The following TMEM39A variants were observed in gnomAD, a reference collection of about 807,000 sequenced individuals.
TMEM39A encodes suppressor of SQST-1 aggregates in rpl-43 mutants.
TMEM39A carries 19 observed loss-of-function variants against 51.9 expected under a neutral mutation model. The observed-to-expected ratio is 0.37, with a 90% CI of 0.26 to 0.54. The LOEUF is 0.54. Ranked by LOEUF, TMEM39A falls within the 20% of genes least tolerant of loss-of-function variation. The pLI, the probability that TMEM39A is intolerant of heterozygous loss-of-function variation, is 0.88. For synonymous variants in TMEM39A, 197 were observed against 220.2 expected, an observed-to-expected ratio of 0.89 and a Z score of 0.93; for missense variants, 433 against 590.5, an observed-to-expected ratio of 0.73 and a Z score of 2.76.
rs757077428 is a variant in TMEM39A, at chr3:119,447,037, G to T, written c.556C>A (p.Leu186Ile). ...NLFRSHSVLN[L>I]LFLGYPFGVY... The stretch of plus-strand genomic sequence containing the variant: ...ACTCACGGGTAGCCAAGGAAAAGGA[G>T]ATTGAGGACTGAATGGCTTCGAAAG... The change falls in exon 5 of 9, where the codon CTC (leucine) becomes ATC (isoleucine). Residue 186 changes from leucine (L) to isoleucine (I), a missense_variant. Around this residue, in one of 3 missense-constraint regions of TMEM39A, gnomAD observed 170 missense variants for 239.8 expected, o/e 0.71. Transcript: ENST00000319172. The T allele has an allele frequency of 2.5e-6, 4 of 1,613,924 alleles. No homozygotes were observed. In the Admixed American group the frequency reaches 6.7e-5, roughly 27 times the overall value.
chr3:119,461,019 A>G (rs2081329297), intron 2 of TMEM39A, among the ~76,000 whole-genome samples: 1 of 152,178 alleles, frequency 6.6e-6, no homozygotes, highest in Non-Finnish European at 1.5e-5. Flanking sequence ...AAGTTACTGC[A>G]ATTTACTACT....
chr3:119,451,179 C>T (rs1287233933), intron 4 of TMEM39A: 3 of 1,135,456 alleles, frequency 2.6e-6, no homozygotes, highest in Admixed American at 3.4e-5. Context: ...AACAGACGTT[C>T]CTACTGTGAA....
At chr3:119,432,257 G>C in intron 8 of TMEM39A, 43 bp from the exon 9 acceptor site, 1 of 1,380,746 alleles carries the variant, frequency 7.2e-7, no homozygotes, top group Non-Finnish European at 1.0e-6. Context: ...TCATAGAAAA[G>C]TAATGGCTAC....
At chr3:119,438,870 T>C (rs756295721) in intron 5 of TMEM39A, among the ~76,000 whole-genome samples, 1 of 152,196 alleles carries the variant, frequency 6.6e-6, no homozygotes, top group Non-Finnish European at 1.5e-5. Flanking sequence ...GATCTTACCA[T>C]GTTTATTCGA....
rs951038483 is a variant in TMEM39A at position 119,430,309 on chromosome 3, C to A, written c.*1672G>T. On this transcript the variant is annotated 3_prime_UTR_variant, in exon 9 of 9. Transcript: ENST00000319172. The stretch of plus-strand genomic sequence containing the variant: ...TCTTGCTTTTTCTTTGCTTAAAAAT[C>A]ATCTCCTCAAAGATGCCTTCTAGCA... 1 of 152,136 alleles carries A rather than the reference C, an allele frequency of 6.6e-6. No homozygotes were observed. Among genetic ancestry groups the A allele is most frequent in the Non-Finnish European group, 1.5e-5 (1 of 68,000 alleles). 9.4% of individuals were successfully genotyped at this position (152,136 alleles called of 1,614,324 possible).
chr3:119,460,588 T>C (rs2081323596), intron 2 of TMEM39A, among the ~76,000 whole-genome samples: 1 of 152,172 alleles, frequency 6.6e-6, no homozygotes, highest in Admixed American at 6.5e-5. Flanking sequence ...CCATTTTCCC[T>C]TCTAAGCCCT....
chr3:119,457,378 AATTTG>A (rs1176616083), intron 3 of TMEM39A, among the ~76,000 whole-genome samples: 6 of 152,190 alleles, frequency 3.9e-5, no homozygotes, highest in Non-Finnish European at 1.5e-5. Context: ...CCAATTTCCC[AATTTG>A]ATTTAAGTTC....
chr3:119,444,750 G>A (rs2081100403), intron 5 of TMEM39A, among the ~76,000 whole-genome samples: 1 of 152,154 alleles, frequency 6.6e-6, no homozygotes, highest in Non-Finnish European at 1.5e-5. Context: ...GTTTGGGGTA[G>A]ATTCTGAGAA....
At chr3:119,451,450 T>C (rs973353329) in intron 4 of TMEM39A, 30 of 496,920 alleles carry the variant, frequency 6.0e-5, no homozygotes, top group Non-Finnish European at 9.5e-5. Flanking sequence ...TAAATTAACA[T>C]TTTTTGTTTT....
At chr3:119,461,380 C>T (rs1378559865) in intron 2 of TMEM39A, among the ~76,000 whole-genome samples, 1 of 152,182 alleles carries the variant, frequency 6.6e-6, no homozygotes, top group Non-Finnish European at 1.5e-5. Context: ...GTACTGATTG[C>T]TAGCTCTGAA....
At chr3:119,445,432 T>C (rs2081111407) in intron 5 of TMEM39A, among the ~76,000 whole-genome samples, 1 of 152,130 alleles carries the variant, frequency 6.6e-6, no homozygotes, top group Non-Finnish European at 1.5e-5. Context: ...GCCCTGCTAA[T>C]TTTTTTATTT....
chr3:119,430,217 C>T lies in TMEM39A; in HGVS notation c.*1764G>A, dbSNP rs535073678. On this transcript the variant is annotated 3_prime_UTR_variant, in exon 9 of 9. Coordinates refer to ENST00000319172, the MANE Select transcript of TMEM39A (RefSeq NM_018266.3). Reference sequence around the variant, plus strand: ...CTTCCAATATACCAACTTGTCCCCACCTCAGGGCACTGCCCTTTCTGCTAC... The same window carrying T: ...CTTCCAATATACCAACTTGTCCCCATCTCAGGGCACTGCCCTTTCTGCTAC... The T allele has an allele frequency of 4.6e-5, 7 of 152,228 alleles. No individual in the cohort carries two copies. The highest frequency in any genetic ancestry group is 1.9e-4 in the East Asian group (1 of 5,184). 9.4% of individuals were successfully genotyped at this position (152,228 alleles called of 1,614,324 possible).
At chr3:119,436,754 G>C (rs2080973319) in intron 7 of TMEM39A, 37 bp downstream of exon 7, 1 of 1,555,340 alleles carries the variant, frequency 6.4e-7, no homozygotes. Flanking sequence ...GCAGCATGTA[G>C]AAAGTGTTAC....
intron 8 of TMEM39A, among the ~76,000 whole-genome samples, chr3:119,432,620 G>A (rs533513908): frequency 2.2e-4 from 33 of 152,132 alleles, no homozygotes; most frequent in African/African-American, 6.7e-4. Flanking sequence ...AAAAATTAAG[G>A]ATATTACATA....
chr3:119,443,585 TTAAAAGACATAATGC>T (rs1377668935), intron 5 of TMEM39A, among the ~76,000 whole-genome samples: 4 of 152,182 alleles, frequency 2.6e-5, no homozygotes, highest in Admixed American at 2.6e-4. Flanking sequence ...ATATGTACTT[TTAAAAGACATAATGC>T]TATTATGTAC....
At chr3:119,458,828 G>C (rs1421333320) in intron 2 of TMEM39A, among the ~76,000 whole-genome samples, 1 of 152,176 alleles carries the variant, frequency 6.6e-6, no homozygotes, top group Admixed American at 6.5e-5. Context: ...TTAGGAGGCG[G>C]AGGTTGTGGT....
intron 4 of TMEM39A, among the ~76,000 whole-genome samples, chr3:119,450,073 T>C (rs1350124137): frequency 2.0e-5 from 3 of 152,262 alleles, no homozygotes; most frequent in African/African-American, 7.2e-5. Flanking sequence ...TTTATCCATC[T>C]AATTTAGATA....
In TMEM39A at chr3:119,458,153, C is replaced by T. The variant is rs148969274; in HGVS notation, c.201G>A (p.Leu67=). ...GPVRHCQIPD[L]PVDGSLLFEF... is the part of the protein sequence containing the mutation. The stretch of plus-strand genomic sequence containing the variant: ...CAAAGAGTAGGCTCCCATCCACAGG[C>T]AAGTCAGGAATTTGGCAATGACGAA... Residue 67 remains leucine, a synonymous_variant, in exon 3 of 9, where the codon TTG becomes TTA. Transcript: ENST00000319172. The T allele has an allele frequency of 1.9e-4, 300 of 1,614,168 alleles. No homozygotes were observed. Among genetic ancestry groups the T allele is most frequent in the African/African-American group, 1.1e-3 (86 of 75,040 alleles).
intron 5 of TMEM39A, among the ~76,000 whole-genome samples, chr3:119,441,459 T>C (rs569080459): frequency 6.6e-6 from 1 of 152,344 alleles, no homozygotes; most frequent in Non-Finnish European, 1.5e-5. Flanking sequence ...AGCCACGACA[T>C]TGCCCTAAAC....
Sources: gnomAD v4.1 joint callset for allele counts (sites outside exome capture counted in the v4.1 genomes callset) on GRCh38, gnomAD v4.1.1 for gene constraint, gnomAD v4.1.1 regional missense constraint, MANE v1.5 for transcripts, NCBI Gene and HGNC (gene_info 2026-07-23, HGNC 2026-07-21) for gene names.